The following PEX5L variants were observed in gnomAD, a reference collection of about 807,000 sequenced individuals.
The protein encoded by PEX5L is PEX5-related protein.
In PEX5L, 30 loss-of-function variants were observed where a neutral mutation model predicts 84.0. The observed-to-expected ratio is 0.36, with a 90% CI of 0.27 to 0.48. PEX5L has a LOEUF of 0.48. Ranked by LOEUF, PEX5L falls within the 20% of genes least tolerant of loss-of-function variation. The probability of loss-of-function intolerance (pLI) is 0.99; values close to 1 mark genes in which losing one functional copy is unlikely to be tolerated. For synonymous variants in PEX5L, 270 were observed against 283.1 expected (o/e 0.95, Z 0.46); for missense variants, 533 against 754.6 (o/e 0.71, Z 3.44).
At chr3:179,950,204 T>C (rs144879811) in intron 2 of PEX5L, among the ~76,000 whole-genome samples, 160 of 152,340 alleles carry the variant, frequency 1.1e-3, no homozygotes, top group East Asian at 7.1e-3. Flanking sequence ...GCATGTCTTA[T>C]AGTCACACTT....
intron 1 of PEX5L, among the ~76,000 whole-genome samples, chr3:180,011,323 C>T (rs536512970): frequency 6.6e-6 from 1 of 152,204 alleles, no homozygotes; most frequent in African/African-American, 2.4e-5. Flanking sequence ...CAGTAAACGA[C>T]GATTTAGCTA....
intron 10 of PEX5L, among the ~76,000 whole-genome samples, chr3:179,812,580 T>C (rs1724308242): frequency 6.7e-6 from 1 of 149,818 alleles, no homozygotes; most frequent in African/African-American, 2.6e-5. Flanking sequence ...TTGCTTTAAG[T>C]TGGTTGCAAT....
At chr3:179,928,778 A>G (rs144711286) in intron 2 of PEX5L, among the ~76,000 whole-genome samples, 121 of 152,330 alleles carry the variant, frequency 7.9e-4, no homozygotes, top group Non-Finnish European at 1.4e-3. Context: ...TACTCATTCC[A>G]TTTTATCACA....
intron 2 of PEX5L, among the ~76,000 whole-genome samples, chr3:179,958,467 T>C (rs1013647435): frequency 1.3e-5 from 2 of 152,222 alleles, no homozygotes; most frequent in Non-Finnish European, 1.5e-5. Context: ...AAATGAGTAA[T>C]ATACAAAAAG....
chr3:179,984,503 G>C (rs1027438023), intron 1 of PEX5L, among the ~76,000 whole-genome samples: 10 of 152,012 alleles, frequency 6.6e-5, no homozygotes, highest in Admixed American at 3.3e-4. Context: ...ACAGATATAA[G>C]CCACATAAAC....
chr3:179,949,777 G>A (rs563631915), intron 2 of PEX5L, among the ~76,000 whole-genome samples: 3 of 152,300 alleles, frequency 2.0e-5, no homozygotes, highest in Admixed American at 2.0e-4. Flanking sequence ...TTATGGACAG[G>A]TTACCTAGAG....
intron 1 of PEX5L, among the ~76,000 whole-genome samples, chr3:179,997,179 A>G (rs113960437): frequency 0.21 from 31,233 of 152,024 alleles, 4,029 homozygotes; most frequent in African/African-American, 0.36. Context: ...GCCTTTTATC[A>G]GGGTAACTGT....
chr3:179,860,358 G>T (rs192325170), intron 7 of PEX5L, among the ~76,000 whole-genome samples: 1 of 152,350 alleles, frequency 6.6e-6, no homozygotes, highest in African/African-American at 2.4e-5. Flanking sequence ...TAGAGTGGAG[G>T]TGGGGTAGGG....
At chr3:179,811,773 C>T in intron 11 of PEX5L, 28 bp downstream of exon 11, 3 of 1,512,002 alleles carry the variant, frequency 2.0e-6, no homozygotes, top group Non-Finnish European at 2.8e-6. Context: ...TCCACCAGGC[C>T]CATGATTTTG....
At chr3:179,873,793 C>T (rs938831146) in intron 7 of PEX5L, among the ~76,000 whole-genome samples, 5 of 152,224 alleles carry the variant, frequency 3.3e-5, no homozygotes, top group East Asian at 1.9e-4. Flanking sequence ...AAAAAACATA[C>T]GTGAAGTCCC....
chr3:180,026,399 C>T (rs986242218), intron 1 of PEX5L, among the ~76,000 whole-genome samples: 4 of 152,078 alleles, frequency 2.6e-5, no homozygotes, highest in Non-Finnish European at 5.9e-5. Context: ...ATGCACAGGG[C>T]ATCTTGATTA....
At chr3:180,016,428 G>A (rs1182147092) in intron 1 of PEX5L, among the ~76,000 whole-genome samples, 4 of 152,122 alleles carry the variant, frequency 2.6e-5, no homozygotes, top group African/African-American at 9.7e-5. Flanking sequence ...AAATAGATGA[G>A]ATTCACAAGG....
chr3:179,969,667 C>T (rs987888492), intron 2 of PEX5L, among the ~76,000 whole-genome samples: 1 of 152,128 alleles, frequency 6.6e-6, no homozygotes, highest in African/African-American at 2.4e-5. Context: ...CAACAGCAAA[C>T]ACCAAAGCCA....
chr3:179,853,779 TTCTTCC>T (rs543856594), intron 8 of PEX5L, among the ~76,000 whole-genome samples: 1,793 of 151,784 alleles, frequency 0.012, 28 homozygotes, highest in African/African-American at 0.039. Context: ...CTTCTTCTTC[TTCTTCC>T]TCTTCCTCTT....
chr3:179,965,616 G>T (rs980819069), intron 2 of PEX5L, among the ~76,000 whole-genome samples: 2 of 152,092 alleles, frequency 1.3e-5, no homozygotes, highest in Non-Finnish European at 2.9e-5. Flanking sequence ...ACAATCGGTC[G>T]TAAGATTCTA....
At chr3:179,899,515 C>T (rs1174988714) in intron 2 of PEX5L, among the ~76,000 whole-genome samples, 1 of 151,930 alleles carries the variant, frequency 6.6e-6, no homozygotes, top group Non-Finnish European at 1.5e-5. Context: ...CGTTTCCATG[C>T]AACAAAAAGG....
At chr3:179,808,860 G>A (rs1298481831) in intron 12 of PEX5L, among the ~76,000 whole-genome samples, 1 of 151,848 alleles carries the variant, frequency 6.6e-6, no homozygotes, top group Admixed American at 6.6e-5. Context: ...GGCGGATCAC[G>A]AGGTCAGGGA....
intron 3 of PEX5L, among the ~76,000 whole-genome samples, chr3:179,891,283 T>C (rs1457573115): frequency 2.0e-5 from 3 of 152,130 alleles, no homozygotes; most frequent in Non-Finnish European, 2.9e-5. Flanking sequence ...CTTCCACAAA[T>C]TCAAATCAAA....
intron 2 of PEX5L, among the ~76,000 whole-genome samples, chr3:179,964,883 A>C (rs74638710): frequency 0.023 from 3,464 of 152,250 alleles, 127 homozygotes; most frequent in African/African-American, 0.076. Flanking sequence ...ACAAGAACTT[A>C]TTTCTTTCTC....
Sources: gnomAD v4.1 joint callset for allele counts (sites outside exome capture counted in the v4.1 genomes callset) on GRCh38, gnomAD v4.1.1 for gene constraint, MANE v1.5 for transcripts, NCBI Gene and HGNC (gene_info 2026-07-23, HGNC 2026-07-21) for gene names.